The following DTNA variants were observed in gnomAD, a reference collection of about 807,000 sequenced individuals.
DTNA encodes the protein dystrobrevin alpha.
DTNA carries 43 observed loss-of-function variants against 100.7 expected under a neutral mutation model. The ratio of observed to expected loss-of-function variants is 0.43; its 90% CI spans 0.33 to 0.55. DTNA has a LOEUF of 0.55. DTNA is among the 20% of genes least tolerant of loss of function. The pLI is 0.04. For missense variants in DTNA, 798 were observed against 953.9 expected, an observed-to-expected ratio of 0.84 and a Z score of 2.15; for synonymous variants, 349 against 347.9, an observed-to-expected ratio of 1.00 and a Z score of -0.04.
At chr18:34,805,270 A>T (rs1434446336) in intron 4 of DTNA, among the ~76,000 whole-genome samples, 1 of 152,210 alleles carries the variant, frequency 6.6e-6, no homozygotes, top group Admixed American at 6.5e-5. Flanking sequence ...TTCCTGAATC[A>T]ATGAGGATTT....
At chr18:34,782,826 C>T (rs369997410) in intron 3 of DTNA, among the ~76,000 whole-genome samples, 8 of 152,278 alleles carry the variant, frequency 5.3e-5, no homozygotes, top group East Asian at 3.9e-4. Flanking sequence ...CAATGGAGAA[C>T]GGCATGGCCA....
At chr18:34,747,104 C>CTATATATA (rs35537934) in intron 1 of DTNA, among the ~76,000 whole-genome samples, 2 of 148,228 alleles carry the variant, frequency 1.3e-5, no homozygotes, top group African/African-American at 5.0e-5. Flanking sequence ...ATATCTGTAT[C>CTATATATA]TATATATATA....
In DTNA at chr18:34,794,331, T is replaced by A. The variant is rs1602143254; in HGVS notation, c.362+81T>A. On this transcript the variant is annotated intron_variant, in intron 4 of 22. Transcript: ENST00000444659. ...CTTACTTGGTCTTTTTCCCAAACAATTTTATATCTCTCTCTTTTTTTTTTT... is the reference window on the plus strand; with the variant it reads ...CTTACTTGGTCTTTTTCCCAAACAAATTTATATCTCTCTCTTTTTTTTTTT... The A allele has an allele frequency of 8.0e-6, 12 of 1,496,878 alleles. No homozygotes were observed. In the East Asian group the frequency reaches 2.7e-4, roughly 34 times the overall value. The allele number at this position is 1,496,878 out of a possible 1,614,324, so 92.7% of individuals were successfully genotyped here. A position where few individuals can be genotyped will look rare whatever the true frequency, so the allele number is the denominator to read the frequency against.
At chr18:34,672,802 A>G (rs185168148) in intron 1 of DTNA, among the ~76,000 whole-genome samples, 216 of 152,322 alleles carry the variant, frequency 1.4e-3, no homozygotes, top group African/African-American at 5.1e-3. Flanking sequence ...ATTATATGGT[A>G]TGTATATATA....
chr18:34,817,074 A>G (rs1201859772), intron 7 of DTNA, among the ~76,000 whole-genome samples: 1 of 152,208 alleles, frequency 6.6e-6, no homozygotes, highest in East Asian at 1.9e-4. Context: ...CCAATCATAA[A>G]GCTATAATTT....
At position 34,690,045 on chromosome 18, in the gene DTNA, G is replaced by A. The variant is rs182716588; in HGVS notation, c.-1-65931G>A. 5.3e-5 allele frequency among the ~76,000 whole-genome samples: 8 copies of A among 152,314 alleles called. No individual in the cohort carries two copies. The East Asian group carries it at 7.7e-4, about 15-fold the overall frequency. On this transcript the variant is annotated intron_variant, in intron 1 of 19. Transcript: ENST00000283365. ...GACTTCAGACTGCTGTGCTGACAGC[G>A]AGAATTTCAAGCCAGTGGATCTTAG...
At chr18:34,596,401 TA>T (rs2147056855) in intron 1 of DTNA, among the ~76,000 whole-genome samples, 1 of 152,252 alleles carries the variant, frequency 6.6e-6, no homozygotes, top group East Asian at 1.9e-4. Flanking sequence ...GTATTTTTAG[TA>T]GAGTCGGGTT....
intron 21 of DTNA, among the ~76,000 whole-genome samples, chr18:34,884,067 C>A (rs563809015): frequency 6.6e-6 from 1 of 152,246 alleles, no homozygotes; most frequent in East Asian, 1.9e-4. Flanking sequence ...CTCTGGGAAT[C>A]CTCAGGGATG....
chr18:34,569,456 A>C (rs745404422), intron 1 of DTNA, among the ~76,000 whole-genome samples: 39 of 152,088 alleles, frequency 2.6e-4, no homozygotes, highest in Non-Finnish European at 5.1e-4. Context: ...ATCATGTTGG[A>C]TGACATCTAT....
intron 14 of DTNA, among the ~76,000 whole-genome samples, chr18:34,849,762 T>A (rs974586602): frequency 1.3e-5 from 2 of 152,270 alleles, no homozygotes; most frequent in African/African-American, 4.8e-5. Flanking sequence ...AGATGCATGT[T>A]CCTTCTGACA....
chr18:34,851,939 G>T lies in DTNA; in HGVS notation c.1532+11G>T, dbSNP rs1450315773. The T allele has an allele frequency of 1.2e-6, 2 of 1,613,178 alleles. No individual in the cohort carries two copies. The highest frequency in any genetic ancestry group is 1.7e-6 in the Non-Finnish European group (2 of 1,179,372). On this transcript the variant is annotated intron_variant, in intron 15 of 22. Coordinates refer to ENST00000444659, the MANE Select transcript of DTNA (RefSeq NM_001386795.1). ...AGAAAACAAGAACAGGTGAGACTTT[G>T]TAGACGTGCTGGCTTGTTTGATCAA...
intron 3 of DTNA, among the ~76,000 whole-genome samples, chr18:34,767,354 G>A (rs1022692451): frequency 2.0e-5 from 3 of 152,080 alleles, no homozygotes; most frequent in South Asian, 2.1e-4. Context: ...TGCAAAGTAC[G>A]CATCTATTCC....
intron 1 of DTNA, among the ~76,000 whole-genome samples, chr18:34,652,428 C>G (rs1036742671): frequency 6.6e-6 from 1 of 152,150 alleles, no homozygotes; most frequent in African/African-American, 2.4e-5. Context: ...CATACCCCAC[C>G]CACTGTTCCT....
intron 19 of DTNA, among the ~76,000 whole-genome samples, chr18:34,878,775 A>G (rs2096843364): frequency 6.6e-6 from 1 of 152,200 alleles, no homozygotes; most frequent in South Asian, 2.1e-4. Flanking sequence ...TGAATATGCA[A>G]ATAAATATCT....
At chr18:34,583,206 T>C (rs1050658242) in intron 1 of DTNA, among the ~76,000 whole-genome samples, 1 of 152,214 alleles carries the variant, frequency 6.6e-6, no homozygotes, top group Non-Finnish European at 1.5e-5. Context: ...CTTAGTCTAA[T>C]TGAATGTTGT....
chr18:34,543,599 G>A (rs773361174), intron 1 of DTNA, among the ~76,000 whole-genome samples: 2 of 152,058 alleles, frequency 1.3e-5, no homozygotes, highest in Non-Finnish European at 1.5e-5. Context: ...GCCCCATGCT[G>A]TAGCTACCTG....
At chr18:34,738,511 A>C (rs1601158294) in intron 1 of DTNA, among the ~76,000 whole-genome samples, 1 of 152,146 alleles carries the variant, frequency 6.6e-6, no homozygotes, top group East Asian at 1.9e-4. Context: ...TTTACTAAAA[A>C]TCTAGATTAC....
At chr18:34,761,402 A>G (rs1601591326) in intron 2 of DTNA, among the ~76,000 whole-genome samples, 1 of 135,304 alleles carries the variant, frequency 7.4e-6, no homozygotes, top group South Asian at 2.3e-4. Flanking sequence ...AGCTAAAACC[A>G]AAAGTTAGAT....
intron 1 of DTNA, among the ~76,000 whole-genome samples, chr18:34,584,973 G>A (rs2048983730): frequency 6.6e-6 from 1 of 152,108 alleles, no homozygotes; most frequent in Non-Finnish European, 1.5e-5. Context: ...TGAGGAAAAG[G>A]TATTTCTAAA....
Sources: gnomAD v4.1 joint callset for allele counts (sites outside exome capture counted in the v4.1 genomes callset) on GRCh38, gnomAD v4.1.1 for gene constraint, MANE v1.5 for transcripts, NCBI Gene and HGNC (gene_info 2026-07-23, HGNC 2026-07-21) for gene names.